GRIA1: variants seen among roughly 807,000 people sequenced by gnomAD.
GRIA1 encodes glutamate ionotropic receptor AMPA type subunit 1.
In GRIA1, 31 loss-of-function variants were observed where a neutral mutation model predicts 99.2. That is an observed-to-expected ratio of 0.31 (90% CI 0.23 to 0.42). GRIA1 has a LOEUF of 0.42. Ranked by LOEUF, GRIA1 falls within the 10% of genes least tolerant of loss-of-function variation. The pLI, the probability that GRIA1 is intolerant of heterozygous loss-of-function variation, is 1.00. For missense variants in GRIA1, 782 were observed against 1,157.5 expected (o/e 0.68, Z 4.71); for synonymous variants, 438 against 432.4 (o/e 1.01, Z -0.16).
chr5:153,730,383 G>A (rs1215123775), intron 11 of GRIA1, among the ~76,000 whole-genome samples: 2 of 152,060 alleles, frequency 1.3e-5, no homozygotes, highest in Non-Finnish European at 2.9e-5. Flanking sequence ...TAGTGAATAA[G>A]TAAATGAATA....
intron 11 of GRIA1, among the ~76,000 whole-genome samples, chr5:153,712,674 A>G (rs1462714848): frequency 6.8e-6 from 1 of 147,944 alleles, no homozygotes; most frequent in Non-Finnish European, 1.5e-5. Context: ...ATTGTCAAAC[A>G]TTTCTCATTT....
intron 2 of GRIA1, among the ~76,000 whole-genome samples, chr5:153,578,990 G>A (rs17519383): frequency 0.36 from 53,516 of 150,358 alleles, 11,845 homozygotes; most frequent in Non-Finnish European, 0.5. Context: ...CTGAAAACAA[G>A]GATTAAACTA....
At position 153,679,515 on chromosome 5, in the gene GRIA1, C is replaced by T. The variant is rs1332681737; in HGVS notation, c.1029+2354C>T. On this transcript the variant is annotated intron_variant, in intron 7 of 15. Coordinates refer to ENST00000285900, the MANE Select transcript of GRIA1 (RefSeq NM_000827.4). The stretch of plus-strand genomic sequence containing the variant: ...AGCAGCTTAGTGGCGGAGGCTGGAC[C>T]AGATCCCAGTCCAGGGCTCCTCTTC... Among the ~76,000 whole-genome samples, 4 of 152,244 alleles carry T rather than the reference C, an allele frequency of 2.6e-5. 1 individual carries two copies. The highest frequency in any genetic ancestry group is 2.0e-4 in the Admixed American group (3 of 15,286).
chr5:153,780,923 C>A (rs1334881811), intron 13 of GRIA1, among the ~76,000 whole-genome samples: 2 of 152,014 alleles, frequency 1.3e-5, no homozygotes, highest in Non-Finnish European at 2.9e-5. Context: ...CAGCTAACAG[C>A]CACACTGCAT....
intron 2 of GRIA1, among the ~76,000 whole-genome samples, chr5:153,560,592 C>T (rs1447071502): frequency 1.3e-5 from 2 of 152,166 alleles, no homozygotes; most frequent in Admixed American, 1.3e-4. Flanking sequence ...TGCTTTCTTG[C>T]CTGCCACCAT....
chr5:153,493,852 C>T, intron 1 of GRIA1, 76 bp from the exon 2 acceptor site: 5 of 1,461,568 alleles, frequency 3.4e-6, no homozygotes, highest in Admixed American at 1.8e-5. Context: ...AAGAAAAGGA[C>T]TCATCTGGAG....
At chr5:153,780,347 C>T (rs1277384009) in intron 13 of GRIA1, among the ~76,000 whole-genome samples, 1 of 152,192 alleles carries the variant, frequency 6.6e-6, no homozygotes, top group Non-Finnish European at 1.5e-5. Context: ...GCATTTACGA[C>T]CCATGTGATC....
At chr5:153,510,884 A>C (rs1160838737) in intron 2 of GRIA1, among the ~76,000 whole-genome samples, 1 of 152,142 alleles carries the variant, frequency 6.6e-6, no homozygotes, top group Admixed American at 6.5e-5. Flanking sequence ...AGTGCTTCCC[A>C]TTAGAACTGT....
chr5:153,715,301 C>G (rs936116104), intron 11 of GRIA1, among the ~76,000 whole-genome samples: 6 of 151,880 alleles, frequency 4.0e-5, no homozygotes, highest in African/African-American at 1.5e-4. Context: ...ATTGTTCCCT[C>G]TGCTTGGAGT....
intron 2 of GRIA1, among the ~76,000 whole-genome samples, chr5:153,543,343 A>G (rs899307137): frequency 6.6e-6 from 1 of 152,222 alleles, no homozygotes; most frequent in Non-Finnish European, 1.5e-5. Flanking sequence ...AGAGTTTACT[A>G]TTGTATATAC....
In GRIA1 at chr5:153,642,481, C is replaced by T. The variant is rs185614827; in HGVS notation, c.221-4447C>T. ...GTGGCTCACACCTGTAATCCCAGCA[C>T]TTTAAGAGGCTGAGGTGGGAGGATC... On this transcript the variant is annotated intron_variant, in intron 2 of 15. Coordinates refer to ENST00000285900, the MANE Select transcript of GRIA1 (RefSeq NM_000827.4). Among the ~76,000 whole-genome samples, 324 of 152,152 alleles carry T rather than the reference C, an allele frequency of 2.1e-3. 1 individual carries two copies. Among genetic ancestry groups the T allele is most frequent in the African/African-American group, 7.7e-3 (318 of 41,518 alleles).
chr5:153,523,016 A>ATATCTCTCTCTC (rs138535593), intron 2 of GRIA1, among the ~76,000 whole-genome samples: 4 of 141,556 alleles, frequency 2.8e-5, no homozygotes, highest in African/African-American at 8.0e-5. Flanking sequence ...TGTTCCTGAT[A>ATATCTCTCTCTC]TCTCTCTCTC....
At chr5:153,628,267 G>A (rs994994868) in intron 2 of GRIA1, among the ~76,000 whole-genome samples, 31 of 152,150 alleles carry the variant, frequency 2.0e-4, no homozygotes, top group African/African-American at 7.5e-4. Flanking sequence ...TCATCACAGG[G>A]GAGTTGGTGT....
intron 5 of GRIA1, among the ~76,000 whole-genome samples, chr5:153,672,849 T>C (rs1480389743): frequency 1.3e-5 from 2 of 152,338 alleles, no homozygotes; most frequent in Non-Finnish European, 2.9e-5. Context: ...GCCATGGAGC[T>C]GAAAGGGAAT....
chr5:153,722,741 G>A (rs981550874), intron 11 of GRIA1, among the ~76,000 whole-genome samples: 12 of 152,168 alleles, frequency 7.9e-5, no homozygotes, highest in African/African-American at 2.9e-4. Context: ...GTTCTGAGAT[G>A]GAAGCTGGAT....
rs1292160255 is a variant in GRIA1, at chr5:153,723,606, C to T, written c.1823+17539C>T. 8.5e-5 allele frequency among the ~76,000 whole-genome samples: 13 copies of T among 152,182 alleles called. No individual in the cohort carries two copies. The South Asian group carries it at 1.2e-3, about 15-fold the overall frequency. Reference sequence around the variant, plus strand: ...AGGAGATTATATCCCCCACCTGGCTCGGAGGGTCCTACCCCCACGGAGTCT... The same window carrying T: ...AGGAGATTATATCCCCCACCTGGCTTGGAGGGTCCTACCCCCACGGAGTCT... On this transcript the variant is annotated intron_variant, in intron 11 of 15. Coordinates refer to ENST00000285900, the MANE Select transcript of GRIA1 (RefSeq NM_000827.4).
At chr5:153,628,658 C>T (rs1223437397) in intron 2 of GRIA1, among the ~76,000 whole-genome samples, 1 of 152,198 alleles carries the variant, frequency 6.6e-6, no homozygotes. Context: ...CTGCATTTGT[C>T]CTCTCTTCAG....
Position 153,674,574 on chromosome 5 carries a change from C to T in GRIA1, c.774C>T (p.Tyr258=), listed in dbSNP as rs1448775208. Reference sequence around the variant, plus strand: ...TGACAGGTTTCCAGCTGGTGAACTACACAGACACTATTCCGGCCAAGATCA... The same window carrying T: ...TGACAGGTTTCCAGCTGGTGAACTATACAGACACTATTCCGGCCAAGATCA... ...ANVTGFQLVN[Y]TDTIPAKIMQ... is the part of the protein sequence containing the mutation. The change falls in exon 6 of 16, where the codon TAC becomes TAT. Residue 258 remains tyrosine, a synonymous_variant. Coordinates refer to ENST00000285900, the MANE Select transcript of GRIA1 (RefSeq NM_000827.4). The T allele has an allele frequency of 4.3e-6, 7 of 1,614,076 alleles. No homozygotes were observed. The Admixed American group carries it at 6.7e-5, about 15-fold the overall frequency.
chr5:153,502,135 C>T (rs558839089), intron 2 of GRIA1, among the ~76,000 whole-genome samples: 1 of 152,284 alleles, frequency 6.6e-6, no homozygotes, highest in South Asian at 2.1e-4. Flanking sequence ...TGCCCTTCAG[C>T]TGTTTTTACC....
Sources: allele counts gnomAD v4.1 joint callset (sites outside exome capture counted in the v4.1 genomes callset), GRCh38; gene constraint gnomAD v4.1.1; transcripts MANE v1.5; gene names NCBI Gene and HGNC (gene_info 2026-07-23, HGNC 2026-07-21).